SPG7: variants seen among roughly 807,000 people sequenced by gnomAD.
The protein encoded by SPG7 is SPG7 matrix AAA peptidase subunit, paraplegin.
A neutral mutation model predicts 81.9 loss-of-function variants in SPG7; 103 were observed. That is an observed-to-expected ratio of 1.26 (90% CI 1.07 to 1.48). The LOEUF (loss-of-function observed/expected upper bound fraction) is 1.48, where lower values mean the gene tolerates loss of function less well. SPG7 is among the 40% of genes most tolerant of loss of function. SPG7 has a pLI of 0.00. For synonymous variants in SPG7, 534 were observed against 444.2 expected (o/e 1.20, Z -2.54); for missense variants, 1,241 against 1,087.3 (o/e 1.14, Z -1.99).
intron 4 of SPG7, among the ~76,000 whole-genome samples, chr16:89,526,075 A>C (rs922174392): frequency 3.9e-5 from 6 of 152,234 alleles, no homozygotes; most frequent in Non-Finnish European, 7.3e-5. Context: ...TCAGCTTCCC[A>C]GGGGCTCACT....
At chr16:89,536,886 C>T in intron 9 of SPG7, 1 of 1,614,206 alleles carries the variant, frequency 6.2e-7, no homozygotes, top group Non-Finnish European at 8.5e-7. Flanking sequence ...GTCATTCGCT[C>T]TGCTGGGGTT....
At chr16:89,526,221 A>C in intron 4 of SPG7, 108 bp from the exon 5 acceptor site, 1 of 1,293,316 alleles carries the variant, frequency 7.7e-7, no homozygotes, top group Non-Finnish European at 1.1e-6. Context: ...CCTCTTCACA[A>C]TGCTGAGGTT....
chr16:89,524,242 CGGCCTGTGAGTGAGGGTGCGGGA>C lies in SPG7; in HGVS notation c.618+14_618+36del, dbSNP rs764377555. 20 of 1,609,714 alleles carry C rather than the reference CGGCCTGTGAGTGAGGGTGCGGGA, an allele frequency of 1.2e-5. No homozygotes were observed. Among genetic ancestry groups the C allele is most frequent in the Middle Eastern group, 1.9e-4 (1 of 5,250 alleles). On this transcript the variant is annotated splice_donor_variant and splice_donor_5th_base_variant and coding_sequence_variant and intron_variant, in exon 4 of 17. Transcript: ENST00000645818. LOFTEE classifies it high-confidence loss of function. ...GCACCCTGGAGCCGTGGTGTTTGGG[CGGCCTGTGAGTGAGGGTGCGGGA>C]GGCCTGTGAGTGAGGGTGTGGGCAC...
chr16:89,510,539 T>A lies in SPG7; in HGVS notation c.233T>A (p.Leu78Ter), dbSNP rs121918358. 436 of 1,613,200 alleles carry A rather than the reference T, an allele frequency of 2.7e-4. 5 individuals carry two copies. The South Asian group carries it at 2.8e-3, about 10-fold the overall frequency. ...CCTACCTTTGAAGGGATCAACGGAT[T>A]GTTGTTGAAACAACATTTAGTTCAG... Reference protein sequence around the residue: ...LTPTFEGINGLLLKQHLVQNP... With the variant: ...LTPTFEGING The change falls in exon 2 of 17, where the codon TTG (leucine) becomes TAG (stop). Residue 78 changes from leucine (L) to a stop codon, truncating the protein, a stop_gained. Coordinates refer to ENST00000645818, the MANE Select transcript of SPG7 (RefSeq NM_003119.4). LOFTEE classifies it high-confidence loss of function.
chr16:89,510,571 G>C lies in SPG7; in HGVS notation c.265G>C (p.Val89Leu). 1 of 1,611,158 alleles carries C rather than the reference G, an allele frequency of 6.2e-7. No homozygotes were observed. Among genetic ancestry groups the C allele is most frequent in the Non-Finnish European group, 8.5e-7 (1 of 1,177,964 alleles). Residue 89 changes from valine to leucine, a missense_variant, in exon 2 of 17, where the codon GTC becomes CTC. Transcript: ENST00000645818. ...GAAACAACATTTAGTTCAGAATCCAGTCAGACTCTGGCAACTTTTAGGTAT... is the reference window on the plus strand; with the variant it reads ...GAAACAACATTTAGTTCAGAATCCACTCAGACTCTGGCAACTTTTAGGTAT... Reference protein sequence around the residue: ...LLKQHLVQNPVRLWQLLGGTF... With the variant: ...LLKQHLVQNPLRLWQLLGGTF...
intron 12 of SPG7, chr16:89,549,141 C>A (rs117613604): frequency 5.7e-5 from 26 of 456,566 alleles, no homozygotes; most frequent in Non-Finnish European, 1.0e-4. Flanking sequence ...TTCGTGTAAC[C>A]ATTTACTTTT....
At chr16:89,527,730 C>G (rs1567909613) in intron 5 of SPG7, among the ~76,000 whole-genome samples, 1 of 152,172 alleles carries the variant, frequency 6.6e-6, no homozygotes, top group African/African-American at 2.4e-5. Flanking sequence ...GGTACTGAAA[C>G]AGAGGTTTAT....
intron 9 of SPG7, among the ~76,000 whole-genome samples, chr16:89,536,323 G>T (rs1204625075): frequency 6.6e-6 from 1 of 151,936 alleles, no homozygotes; most frequent in Non-Finnish European, 1.5e-5. Context: ...GGCCGCTCTG[G>T]TGCTGTGTGG....
At chr16:89,554,623 G>T in intron 16 of SPG7, 60 bp downstream of exon 16, 1 of 1,126,758 alleles carries the variant, frequency 8.9e-7, no homozygotes, top group Non-Finnish European at 1.3e-6. Flanking sequence ...CAGCACCCAC[G>T]GTCCCCACCC....
At chr16:89,526,058 G>T (rs1047875255) in intron 4 of SPG7, among the ~76,000 whole-genome samples, 2 of 152,148 alleles carry the variant, frequency 1.3e-5, no homozygotes, top group Admixed American at 1.3e-4. Context: ...CTTGAATTAG[G>T]ATATTTTCAG....
In SPG7 at chr16:89,536,656, A is replaced by G. The variant is rs647747; in HGVS notation, c.1324+4020A>G. The G allele has an allele frequency of 0.45, 570,082 of 1,281,060 alleles. 134,162 individuals carry two copies. The highest frequency in any genetic ancestry group is 0.69 in the East Asian group (27,458 of 40,060). 79.4% of individuals were successfully genotyped at this position (1,281,060 alleles called of 1,614,324 possible). ...GTGAGGCGGGCGAGGTGGGCGAGGC[A>G]GGCGAGGCGGGTGAGATCGGGCGAG... On this transcript the variant is annotated intron_variant, in intron 9 of 16. Transcript: ENST00000645818.
chr16:89,508,521 C>A lies in SPG7; in HGVS notation c.104C>A (p.Ala35Asp). Residue 35 changes from alanine (A) to aspartate (D), a missense_variant, in exon 1 of 17, where the codon GCC becomes GAC. By Grantham distance (126) the Ala-to-Asp change is moderately radical. Transcript: ENST00000645818. The stretch of plus-strand genomic sequence containing the variant: ...CCGGCCTGGAGTCCAGGGTTCCCCG[C>A]CAGGCCCGGGAGGGGGCGGCCGTAC... Reference protein sequence around the residue: ...PGPAWSPGFPARPGRGRPYMA... With the variant: ...PGPAWSPGFPDRPGRGRPYMA... 1 of 1,514,894 alleles carries A rather than the reference C, an allele frequency of 6.6e-7. No homozygotes were observed. Among genetic ancestry groups the A allele is most frequent in the Middle Eastern group, 2.3e-4 (1 of 4,336 alleles). 93.8% of individuals were successfully genotyped at this position (1,514,894 alleles called of 1,614,324 possible). A position where few individuals can be genotyped will look rare whatever the true frequency, so the allele number is the denominator to read the frequency against.
At chr16:89,546,346 C>T (rs897109734) in intron 10 of SPG7, 4 of 364,242 alleles carry the variant, frequency 1.1e-5, no homozygotes, top group East Asian at 7.0e-5. Flanking sequence ...TGTGAGCCAC[C>T]GGGCCCGGCC....
At chr16:89,536,567 GAGGTC>G (rs1280354527) in intron 9 of SPG7, among the ~76,000 whole-genome samples, 5 of 144,456 alleles carry the variant, frequency 3.5e-5, no homozygotes, top group African/African-American at 1.3e-4. Flanking sequence ...TGAGGCGGGT[GAGGTC>G]AGGTGAGGCG....
chr16:89,518,444 C>A (rs550568098), intron 3 of SPG7: 1 of 152,030 alleles, frequency 6.6e-6, no homozygotes, highest in Non-Finnish European at 1.5e-5. Flanking sequence ...AAAAAGGCTC[C>A]GCTCACTGAT....
Position 89,524,254 on chromosome 16 carries a change from G to T in SPG7, c.618+7G>T. 1.2e-6 allele frequency: 2 copies of T among 1,604,842 alleles called. No individual in the cohort carries two copies. The highest frequency in any genetic ancestry group is 8.5e-7 in the Non-Finnish European group (1 of 1,175,524). Reference sequence around the variant, plus strand: ...CGTGGTGTTTGGGCGGCCTGTGAGTGAGGGTGCGGGAGGCCTGTGAGTGAG... The same window carrying T: ...CGTGGTGTTTGGGCGGCCTGTGAGTTAGGGTGCGGGAGGCCTGTGAGTGAG... On this transcript the variant is annotated splice_region_variant and intron_variant, in intron 4 of 16. Transcript: ENST00000645818.
chr16:89,556,833 G>A (rs2152413130), intron 16 of SPG7, 54 bp from the exon 17 acceptor site: 2 of 1,394,764 alleles, frequency 1.4e-6, no homozygotes, highest in Non-Finnish European at 2.0e-6. Flanking sequence ...CCAGGACATA[G>A]AGATGCTCTG....
At chr16:89,509,721 C>G (rs918957575) in intron 1 of SPG7, among the ~76,000 whole-genome samples, 2 of 151,804 alleles carry the variant, frequency 1.3e-5, no homozygotes, top group Non-Finnish European at 2.9e-5. Context: ...GGGCTGCTCC[C>G]TTTCTCCTGC....
chr16:89,532,461 A>G lies in SPG7; in HGVS notation c.1151-2A>G. On this transcript the variant is annotated splice_acceptor_variant, in intron 8 of 16. Coordinates refer to ENST00000645818, the MANE Select transcript of SPG7 (RefSeq NM_003119.4). LOFTEE classifies it high-confidence loss of function. ...TTCCTGATTCTCTCTGTGTCCCCTC[A>G]GGCCTCGGCGCTGCCCGTGTGCGGA... is the stretch of plus-strand genomic sequence containing the variant. 1 of 1,613,362 alleles carries G rather than the reference A, an allele frequency of 6.2e-7. No individual in the cohort carries two copies. Among genetic ancestry groups the G allele is most frequent in the Non-Finnish European group, 8.5e-7 (1 of 1,180,030 alleles).
Sources: gnomAD v4.1 joint callset for allele counts (sites outside exome capture counted in the v4.1 genomes callset) on GRCh38, gnomAD v4.1.1 for gene constraint, MANE v1.5 for transcripts, NCBI Gene and HGNC (gene_info 2026-07-23, HGNC 2026-07-21) for gene names.